Variants in UBTD1 observed in about 807,000 individuals in gnomAD.
The protein encoded by UBTD1 is ubiquitin domain-containing protein 1.
In UBTD1, 19 loss-of-function variants were observed where a neutral mutation model predicts 21.7. That is an observed-to-expected ratio of 0.87 (90% confidence interval 0.61 to 1.28). The LOEUF (loss-of-function observed/expected upper bound fraction) is 1.28. Among genes scored for constraint, UBTD1 ranks in the 50% most tolerant of loss-of-function variants. UBTD1 has a pLI of 0.00. For synonymous variants in UBTD1, 116 were observed against 135.1 expected (o/e 0.86, Z 0.98); for missense variants, 282 against 315.1 (o/e 0.89, Z 0.80).
intron 1 of UBTD1, among the ~76,000 whole-genome samples, chr10:97,566,397 A>G (rs1027754220): frequency 4.0e-5 from 6 of 151,490 alleles, no homozygotes; most frequent in Admixed American, 3.3e-4. Flanking sequence ...CTGCCACCTC[A>G]CCACCCCAGG....
chr10:97,555,987 A>C (rs1470415696), intron 1 of UBTD1, among the ~76,000 whole-genome samples: 3 of 151,776 alleles, frequency 2.0e-5, no homozygotes, highest in Non-Finnish European at 2.9e-5. Flanking sequence ...GGGAGTTCTC[A>C]CTCTTATTTT....
chr10:97,562,191 G>T (rs189440513), intron 1 of UBTD1, among the ~76,000 whole-genome samples: 60 of 152,268 alleles, frequency 3.9e-4, no homozygotes, highest in African/African-American at 1.4e-3. Context: ...ATCACCTGAG[G>T]TCATGAGTTC....
In UBTD1 at chr10:97,499,228, C is replaced by T; in HGVS notation, c.25C>T (p.Arg9Cys). The stretch of plus-strand genomic sequence containing the variant: ...CATGGGCAACTGCGTGGGGAGACAG[C>T]GCCGGGAGAGGCCGGCAGCCCCGGG... MGNCVGRQ[R>C]RERPAAPGHP... The change falls in exon 1 of 3, where the codon CGC becomes TGC. Residue 9 changes from arginine to cysteine, a missense_variant. By Grantham distance (180) the Arg-to-Cys change is radical (BLOSUM62 -3). Coordinates refer to ENST00000370664, the MANE Select transcript of UBTD1 (RefSeq NM_024954.5). 5.8e-6 allele frequency: 9 copies of T among 1,547,946 alleles called. No individual in the cohort carries two copies. The highest frequency in any genetic ancestry group is 7.9e-6 in the Non-Finnish European group (9 of 1,145,632).
chr10:97,523,711 T>C (rs2040475949), intron 1 of UBTD1, among the ~76,000 whole-genome samples: 1 of 151,928 alleles, frequency 6.6e-6, no homozygotes, highest in Admixed American at 6.6e-5. Context: ...GGGGGCGGTA[T>C]TTTTCCTCTG....
chr10:97,561,875 C>T (rs545577859), intron 1 of UBTD1, among the ~76,000 whole-genome samples: 4 of 152,314 alleles, frequency 2.6e-5, no homozygotes, highest in South Asian at 4.1e-4. Context: ...CTTCTCACCA[C>T]GAGCAAGTTC....
intron 1 of UBTD1, among the ~76,000 whole-genome samples, chr10:97,558,493 C>A (rs534169006): frequency 1.0e-3 from 158 of 152,276 alleles, no homozygotes; most frequent in African/African-American, 3.6e-3. Context: ...GAAACCCCAT[C>A]TAGTTGTTTT....
At chr10:97,518,517 A>G (rs1180383765) in intron 1 of UBTD1, among the ~76,000 whole-genome samples, 4 of 152,012 alleles carry the variant, frequency 2.6e-5, no homozygotes, top group African/African-American at 9.7e-5. Flanking sequence ...CCGTTTGGCT[A>G]TTTCTGTTCA....
intron 1 of UBTD1, among the ~76,000 whole-genome samples, chr10:97,542,663 T>C (rs1241889173): frequency 6.6e-6 from 1 of 152,218 alleles, no homozygotes; most frequent in Admixed American, 6.5e-5. Context: ...TCCCAGGCTG[T>C]CTGACTCCGA....
At chr10:97,559,290 T>C (rs1225639697) in intron 1 of UBTD1, among the ~76,000 whole-genome samples, 1 of 152,188 alleles carries the variant, frequency 6.6e-6, no homozygotes, top group Non-Finnish European at 1.5e-5. Flanking sequence ...AGGACCACCT[T>C]AGTGGAAGGG....
chr10:97,567,699 G>A (rs1474579405), intron 1 of UBTD1, among the ~76,000 whole-genome samples: 2 of 152,040 alleles, frequency 1.3e-5, no homozygotes, highest in Non-Finnish European at 2.9e-5. Context: ...GGTAGCGTAT[G>A]CTTTGCTGAC....
chr10:97,539,299 A>G (rs1322476720), intron 1 of UBTD1, among the ~76,000 whole-genome samples: 1 of 152,140 alleles, frequency 6.6e-6, no homozygotes, highest in Non-Finnish European at 1.5e-5. Context: ...ACTAACTTCG[A>G]AAAAAAGTTT....
At chr10:97,514,264 G>A (rs999379384) in intron 1 of UBTD1, among the ~76,000 whole-genome samples, 2 of 152,096 alleles carry the variant, frequency 1.3e-5, no homozygotes, top group African/African-American at 2.4e-5. Flanking sequence ...CACTGCATGA[G>A]AGTCTCAGGT....
chr10:97,543,443 G>A (rs982025700), intron 1 of UBTD1, among the ~76,000 whole-genome samples: 20 of 152,234 alleles, frequency 1.3e-4, no homozygotes, highest in Admixed American at 2.6e-4. Context: ...ATGAAGGAGC[G>A]GGTGAGCCTT....
intron 1 of UBTD1, among the ~76,000 whole-genome samples, chr10:97,519,667 ATT>A (rs2040458925): frequency 6.6e-6 from 1 of 152,166 alleles, no homozygotes; most frequent in African/African-American, 2.4e-5. Flanking sequence ...GGAAAAATAT[ATT>A]GTTTTTTAAA....
At chr10:97,502,951 C>G (rs911925795) in intron 1 of UBTD1, among the ~76,000 whole-genome samples, 10 of 146,826 alleles carry the variant, frequency 6.8e-5, no homozygotes, top group Admixed American at 2.7e-4. Context: ...GGGTCTTGTT[C>G]TCTCGCTCAG....
At position 97,552,393 on chromosome 10, in the gene UBTD1, CT is replaced by C. The variant is rs60160152; in HGVS notation, c.71-15501del. 4.1e-3 allele frequency among the ~76,000 whole-genome samples: 490 copies of C among 119,852 alleles called. 1 individual carries two copies. Among genetic ancestry groups the C allele is most frequent in the Middle Eastern group, 0.037 (8 of 218 alleles). 78.6% of individuals were successfully genotyped at this position (119,852 alleles called of 152,430 possible). A position where few individuals can be genotyped will look rare whatever the true frequency, so the allele number is the denominator to read the frequency against. On this transcript the variant is annotated intron_variant, in intron 1 of 2. Transcript: ENST00000370664. ...AAACAAAAAATAATAATTATACACCCTTTTTTTTTTTTTTTTTTTTGAAACA... is the reference window on the plus strand; with the variant it reads ...AAACAAAAAATAATAATTATACACCCTTTTTTTTTTTTTTTTTTTGAAACA...
rs1286215769 is a variant in UBTD1, at chr10:97,561,761, GTATAAAACCA to G, written c.71-6144_71-6135del. ...TGTTTTTTCTTAAAATGGGTACTGAGTATAAAACCATATAAAACAATATGAGAGGGTCTCT... is the reference window on the plus strand; with the variant it reads ...TGTTTTTTCTTAAAATGGGTACTGAGTATAAAACAATATGAGAGGGTCTCT... On this transcript the variant is annotated intron_variant, in intron 1 of 2. Transcript: ENST00000370664. Among the ~76,000 whole-genome samples, 14 of 151,542 alleles carry G rather than the reference GTATAAAACCA, an allele frequency of 9.2e-5. 1 individual carries two copies. The highest frequency in any genetic ancestry group is 2.6e-4 in the Admixed American group (4 of 15,226).
At chr10:97,548,871 A>C (rs548826238) in intron 1 of UBTD1, among the ~76,000 whole-genome samples, 1 of 152,194 alleles carries the variant, frequency 6.6e-6, no homozygotes, top group African/African-American at 2.4e-5. Context: ...TCCTCTGGAA[A>C]TGGGTCGGGG....
At chr10:97,499,477 C>T (rs911350593) in intron 1 of UBTD1, among the ~76,000 whole-genome samples, 16 of 152,234 alleles carry the variant, frequency 1.1e-4, no homozygotes, top group African/African-American at 1.7e-4. Flanking sequence ...ACTGAGCCGG[C>T]TGCGCGACCA....
Sources: gnomAD v4.1 joint callset for allele counts (sites outside exome capture counted in the v4.1 genomes callset) on GRCh38, gnomAD v4.1.1 for gene constraint, MANE v1.5 for transcripts, NCBI Gene and HGNC (gene_info 2026-07-23, HGNC 2026-07-21) for gene names.